Variants in TMTC2 observed in about 807,000 individuals in gnomAD.
TMTC2 encodes protein O-mannosyl-transferase TMTC2.
Under a neutral mutation model 82.4 loss-of-function variants are expected in TMTC2, and 43 were observed. The ratio of observed to expected loss-of-function variants is 0.52; its 90% CI spans 0.41 to 0.67. The LOEUF (loss-of-function observed/expected upper bound fraction) is 0.67, where lower values mean the gene tolerates loss of function less well. Ranked by LOEUF, TMTC2 falls within the 30% of genes least tolerant of loss-of-function variation. TMTC2 has a pLI of 0.00. For synonymous variants in TMTC2, 408 were observed against 381.9 expected, an observed-to-expected ratio of 1.07 and a Z score of -0.80; for missense variants, 919 against 1,012.4, an observed-to-expected ratio of 0.91 and a Z score of 1.25.
rs554877131 is a variant in TMTC2, at chr12:82,954,061, C to T, written c.1599-10963C>T. Among the ~76,000 whole-genome samples, 114 of 152,088 alleles carry T rather than the reference C, an allele frequency of 7.5e-4. 1 individual carries two copies. The highest frequency in any genetic ancestry group is 6.8e-3 in the Middle Eastern group (2 of 294). ...ATAGCCAGACTATTTATTACTGAAA[C>T]TCATTCTTGGTAATATAGTCCTAAT... On this transcript the variant is annotated intron_variant, in intron 4 of 11. Coordinates refer to ENST00000321196, the MANE Select transcript of TMTC2 (RefSeq NM_152588.3).
rs565450874 is a variant in TMTC2 at position 82,978,287 on chromosome 12, G to T, written c.1949-7638G>T. Among the ~76,000 whole-genome samples, 100 of 151,742 alleles carry T rather than the reference G, an allele frequency of 6.6e-4. 1 individual carries two copies. The highest frequency in any genetic ancestry group is 2.4e-3 in the African/African-American group (100 of 41,506). ...AATGTATATAAATATCTGAGCACTG[G>T]TGAACCTACAAATGATTATCCATTT... On this transcript the variant is annotated intron_variant, in intron 7 of 11. Coordinates refer to ENST00000321196, the MANE Select transcript of TMTC2 (RefSeq NM_152588.3).
intron 1 of TMTC2, among the ~76,000 whole-genome samples, chr12:82,823,673 A>T (rs1869240474): frequency 6.6e-6 from 1 of 152,222 alleles, no homozygotes; most frequent in Non-Finnish European, 1.5e-5. Flanking sequence ...TCTAATCCTT[A>T]GTTCAGATGT....
intron 7 of TMTC2, among the ~76,000 whole-genome samples, chr12:82,982,752 A>C (rs1878978014): frequency 1.3e-5 from 2 of 151,990 alleles, no homozygotes; most frequent in Non-Finnish European, 2.9e-5. Flanking sequence ...AGAGAGCATA[A>C]TTCTCACCTG....
intron 4 of TMTC2, among the ~76,000 whole-genome samples, chr12:82,960,446 T>TA (rs1421248552): frequency 6.6e-6 from 1 of 152,042 alleles, no homozygotes; most frequent in East Asian, 1.9e-4. Context: ...TACACAGCCA[T>TA]AAAAAGTATA....
At position 82,805,726 on chromosome 12, in the gene TMTC2, C is replaced by T. The variant is rs531480023; in HGVS notation, c.84-51284C>T. 5.9e-5 allele frequency among the ~76,000 whole-genome samples: 9 copies of T among 151,904 alleles called. No individual in the cohort carries two copies. In the East Asian group the frequency reaches 1.7e-3, roughly 29 times the overall value. ...TTCACCCTGTTAGCCAGGATGGTCTCGATCTCCTGACCTTGTGATCTGCCC... is the reference window on the plus strand; with the variant it reads ...TTCACCCTGTTAGCCAGGATGGTCTTGATCTCCTGACCTTGTGATCTGCCC... On this transcript the variant is annotated intron_variant, in intron 1 of 11. Transcript: ENST00000321196.
intron 1 of TMTC2, among the ~76,000 whole-genome samples, chr12:82,730,727 C>A (rs1311283757): frequency 6.6e-6 from 1 of 152,190 alleles, no homozygotes; most frequent in African/African-American, 2.4e-5. Flanking sequence ...ATGGAGCCAT[C>A]TTGAAAAGAA....
intron 1 of TMTC2, among the ~76,000 whole-genome samples, chr12:82,692,762 T>C (rs1264190877): frequency 6.6e-6 from 1 of 152,214 alleles, no homozygotes; most frequent in African/African-American, 2.4e-5. Context: ...CGGTGGGTTA[T>C]TGAATGTAAA....
chr12:82,788,787 C>T (rs1339178972), intron 1 of TMTC2, among the ~76,000 whole-genome samples: 1 of 152,130 alleles, frequency 6.6e-6, no homozygotes, highest in Non-Finnish European at 1.5e-5. Context: ...TGCTTTTCTT[C>T]TCTTTCCAGG....
rs576971727 is a variant in TMTC2, at chr12:83,104,115, C to G, written c.2332-28095C>G. Among the ~76,000 whole-genome samples the G allele has an allele frequency of 2.0e-5, 3 of 152,338 alleles. No individual in the cohort carries two copies. In the East Asian group the frequency reaches 5.8e-4, roughly 29 times the overall value. ...CACACTGGTGCAAGGGATGAGTTCC[C>G]AAGGCCTTGTGCAGCTCTGCCCCTG... On this transcript the variant is annotated intron_variant, in intron 11 of 11. Transcript: ENST00000321196.
chr12:83,099,384 A>G (rs1884138088), intron 11 of TMTC2, among the ~76,000 whole-genome samples: 1 of 152,156 alleles, frequency 6.6e-6, no homozygotes, highest in Non-Finnish European at 1.5e-5. Flanking sequence ...CTTACTGCGC[A>G]CAACATCTTC....
chr12:82,903,071 G>T (rs188043345), intron 3 of TMTC2, among the ~76,000 whole-genome samples: 115 of 152,160 alleles, frequency 7.6e-4, no homozygotes, highest in African/African-American at 2.6e-3. Flanking sequence ...AGCTCCTGCC[G>T]CAGAGCTTTT....
intron 1 of TMTC2, among the ~76,000 whole-genome samples, chr12:82,821,079 G>C (rs1314012837): frequency 6.6e-6 from 1 of 151,634 alleles, no homozygotes; most frequent in Non-Finnish European, 1.5e-5. Flanking sequence ...GGCTGGTCTT[G>C]AACTCCTGGC....
chr12:82,992,908 G>T (rs1218867110), intron 8 of TMTC2, among the ~76,000 whole-genome samples: 1 of 152,126 alleles, frequency 6.6e-6, no homozygotes, highest in African/African-American at 2.4e-5. Context: ...TTTTGAGTAT[G>T]CCACTAATGT....
chr12:83,098,707 C>T (rs1884113929), intron 11 of TMTC2, among the ~76,000 whole-genome samples: 1 of 152,170 alleles, frequency 6.6e-6, no homozygotes, highest in African/African-American at 2.4e-5. Context: ...GCAAGGGGGA[C>T]CCGACCCCCA....
chr12:82,844,597 C>T (rs1325101203), intron 1 of TMTC2, among the ~76,000 whole-genome samples: 2 of 151,370 alleles, frequency 1.3e-5, no homozygotes, highest in Admixed American at 6.6e-5. Flanking sequence ...GTCAGGAGAT[C>T]GAGACCATCC....
intron 3 of TMTC2, among the ~76,000 whole-genome samples, chr12:82,903,681 G>A (rs1874149628): frequency 6.6e-6 from 1 of 152,142 alleles, no homozygotes; most frequent in Admixed American, 6.5e-5. Context: ...CCAAAGTGCC[G>A]GGATTACAGG....
chr12:82,984,295 T>C (rs577277663), intron 7 of TMTC2, among the ~76,000 whole-genome samples: 3 of 152,238 alleles, frequency 2.0e-5, no homozygotes, highest in Non-Finnish European at 4.4e-5. Context: ...TAGAAACACA[T>C]AGATATGTGT....
chr12:83,123,903 T>TC (rs934011264), intron 11 of TMTC2, among the ~76,000 whole-genome samples: 1 of 152,108 alleles, frequency 6.6e-6, no homozygotes, highest in African/African-American at 2.4e-5. Context: ...ATATCCCCTC[T>TC]CCCCCACAGC....
intron 2 of TMTC2, among the ~76,000 whole-genome samples, chr12:82,876,055 T>C (rs1419278107): frequency 2.4e-5 from 3 of 126,458 alleles, no homozygotes; most frequent in African/African-American, 3.0e-5. Flanking sequence ...GTGGTGGTGG[T>C]GGTGGTGGTG....
Sources: gnomAD v4.1 joint callset for allele counts (sites outside exome capture counted in the v4.1 genomes callset) on GRCh38, gnomAD v4.1.1 for gene constraint, MANE v1.5 for transcripts, NCBI Gene and HGNC (gene_info 2026-07-23, HGNC 2026-07-21) for gene names.